Variants in IKZF1 observed in about 807,000 individuals in gnomAD.
The protein encoded by IKZF1 is DNA-binding protein Ikaros.
Under a neutral mutation model 51.7 loss-of-function variants are expected in IKZF1, and 10 were observed. The observed-to-expected ratio is 0.19, with a 90% confidence interval of 0.12 to 0.33. The LOEUF is 0.33. IKZF1 is among the 10% of genes least tolerant of loss of function. The pLI is 1.00. For missense variants in IKZF1, 484 were observed against 707.5 expected, an observed-to-expected ratio of 0.68 and a Z score of 3.58; for synonymous variants, 280 against 282.3, an observed-to-expected ratio of 0.99 and a Z score of 0.08.
intron 3 of IKZF1, among the ~76,000 whole-genome samples, chr7:50,357,739 T>C (rs1054739057): frequency 6.6e-6 from 1 of 152,174 alleles, no homozygotes; most frequent in African/African-American, 2.4e-5. Flanking sequence ...AGGGCCTCAT[T>C]TCATAAACTC....
rs1818176254 is a variant in IKZF1 at position 50,401,822 on chromosome 7, T to C, written c.*1195T>C. The C allele has an allele frequency of 4.5e-6, 1 of 223,346 alleles. No individual in the cohort carries two copies. The allele number at this position is 223,346 out of a possible 1,614,324, so 13.8% of individuals were successfully genotyped here. ...AATATGTGAAGCCCAGCATCTCTGT[T>C]GCTAACACACAGAGCTCACCTGTTT... On this transcript the variant is annotated 3_prime_UTR_variant, in exon 8 of 8. Transcript: ENST00000331340.
chr7:50,323,105 A>G (rs1476879465), intron 2 of IKZF1, among the ~76,000 whole-genome samples: 3 of 152,272 alleles, frequency 2.0e-5, no homozygotes, highest in Admixed American at 6.5e-5. Flanking sequence ...AGTTAAGCAT[A>G]GTAAATCACA....
chr7:50,390,490 T>C lies in IKZF1; in HGVS notation c.716-1239T>C, dbSNP rs572240895. On this transcript the variant is annotated intron_variant, in intron 6 of 7. Coordinates refer to ENST00000331340, the MANE Select transcript of IKZF1 (RefSeq NM_006060.6). ...CAGCAACAATAGCCAATTTGAAATA[T>C]ATGTTTTCAAAGTAACATTCATAAT... 2.6e-5 allele frequency among the ~76,000 whole-genome samples: 4 copies of C among 152,364 alleles called. No individual in the cohort carries two copies. The East Asian group carries it at 7.7e-4, about 29-fold the overall frequency.
At chr7:50,342,268 C>T (rs902432904) in intron 3 of IKZF1, among the ~76,000 whole-genome samples, 3 of 152,132 alleles carry the variant, frequency 2.0e-5, no homozygotes, top group Non-Finnish European at 2.9e-5. Context: ...TACAAAGTAA[C>T]GAGAATACAA....
At chr7:50,348,484 T>C (rs1800956341) in intron 3 of IKZF1, among the ~76,000 whole-genome samples, 1 of 152,216 alleles carries the variant, frequency 6.6e-6, no homozygotes, top group African/African-American at 2.4e-5. Flanking sequence ...AAACACCTCC[T>C]TAAGATGCTG....
chr7:50,388,504 A>G (rs1258331019), intron 6 of IKZF1: 1 of 152,256 alleles, frequency 6.6e-6, no homozygotes, highest in Non-Finnish European at 1.5e-5. Flanking sequence ...CCCTGCAGCC[A>G]GAGTGCTGTC....
chr7:50,360,243 A>C (rs1403602337), intron 3 of IKZF1, among the ~76,000 whole-genome samples: 1 of 151,906 alleles, frequency 6.6e-6, no homozygotes, highest in African/African-American at 2.4e-5. Flanking sequence ...GGGCTTCTGG[A>C]ATCTTTGAGG....
In IKZF1 at chr7:50,376,050, C is replaced by T. The variant is rs1272142511; in HGVS notation, c.161-483C>T. ...GGAAAGGTAGCATCACAATAAGAGA[C>T]GTTTTTCAGGCTTGATAACCACTTA... On this transcript the variant is annotated intron_variant, in intron 3 of 7. Coordinates refer to ENST00000331340, the MANE Select transcript of IKZF1 (RefSeq NM_006060.6). This position sits in a 1 kb window ranked among gnomAD's most constrained non-coding sequence, Gnocchi z 4.5. Among the ~76,000 whole-genome samples, 5 of 152,154 alleles carry T rather than the reference C, an allele frequency of 3.3e-5. No homozygotes were observed. Among genetic ancestry groups the T allele is most frequent in the East Asian group, 1.9e-4 (1 of 5,194 alleles).
At position 50,320,786 on chromosome 7, in the gene IKZF1, G is replaced by A. The variant is rs1222706791; in HGVS notation, c.40+1685G>A. On this transcript the variant is annotated intron_variant, in intron 2 of 7. Transcript: ENST00000331340. ...GTGATTATCTATATAAACAAAAATG[G>A]TATAAATACAAATATCAATTTTGCA... 2.6e-5 allele frequency among the ~76,000 whole-genome samples: 4 copies of A among 152,294 alleles called. No homozygotes were observed. In the South Asian group the frequency reaches 6.2e-4, roughly 24 times the overall value.
At chr7:50,317,960 AC>A (rs760622992) in intron 1 of IKZF1, among the ~76,000 whole-genome samples, 21 of 152,194 alleles carry the variant, frequency 1.4e-4, no homozygotes, top group Admixed American at 2.6e-4. Context: ...CAGGGGGACA[AC>A]CTGGTTTAGA....
chr7:50,347,653 T>C (rs1274912961), intron 3 of IKZF1, among the ~76,000 whole-genome samples: 2 of 152,364 alleles, frequency 1.3e-5, no homozygotes, highest in Middle Eastern at 3.4e-3. Context: ...TAATTGAATT[T>C]CGTTTTTATT....
intron 3 of IKZF1, among the ~76,000 whole-genome samples, chr7:50,361,695 G>A (rs1805286991): frequency 6.6e-6 from 1 of 152,142 alleles, no homozygotes; most frequent in Non-Finnish European, 1.5e-5. Flanking sequence ...GACCAACATG[G>A]TGAAACCCCA....
rs1184582837 is a variant in IKZF1 at position 50,400,836 on chromosome 7, C to T, written c.*209C>T. The T allele has an allele frequency of 1.1e-5, 7 of 646,966 alleles. No homozygotes were observed. The highest frequency in any genetic ancestry group is 2.8e-5 in the East Asian group (1 of 35,202). 40.1% of individuals were successfully genotyped at this position (646,966 alleles called of 1,614,324 possible). ...ATTTTTATTTTTAGAGGCAGGGCTGCATTGGGAGCATCCAGAACTGCTACC... is the reference window on the plus strand; with the variant it reads ...ATTTTTATTTTTAGAGGCAGGGCTGTATTGGGAGCATCCAGAACTGCTACC... On this transcript the variant is annotated 3_prime_UTR_variant, in exon 8 of 8. Coordinates refer to ENST00000331340, the MANE Select transcript of IKZF1 (RefSeq NM_006060.6). The surrounding 1 kb of genome is among the most constrained non-coding windows in gnomAD (Gnocchi z 5.4).
In IKZF1 at chr7:50,404,849, T is replaced by C. The variant is rs1425912408; in HGVS notation, c.*4222T>C. 1 of 223,570 alleles carries C rather than the reference T, an allele frequency of 4.5e-6. No homozygotes were observed. The highest frequency in any genetic ancestry group is 6.4e-5 in the East Asian group (1 of 15,576). The allele number at this position is 223,570 out of a possible 1,614,324, so 13.8% of individuals were successfully genotyped here. On this transcript the variant is annotated 3_prime_UTR_variant, in exon 8 of 8. Transcript: ENST00000331340. ...CATAGCCTTTTGACGCTGTAAATCT[T>C]GAGTATTCATTTACCCTTTTCTGAT...
intron 1 of IKZF1, among the ~76,000 whole-genome samples, chr7:50,305,755 A>G (rs551875093): frequency 6.4e-4 from 97 of 152,354 alleles, no homozygotes; most frequent in South Asian, 1.9e-3. Context: ...AATTCCAGAC[A>G]AAATGGTGTT....
At chr7:50,364,843 G>A (rs766360674) in intron 3 of IKZF1, among the ~76,000 whole-genome samples, 6 of 152,186 alleles carry the variant, frequency 3.9e-5, no homozygotes, top group Non-Finnish European at 7.3e-5. Flanking sequence ...TGTGGTGAAG[G>A]GTGCCAGGCT....
intron 3 of IKZF1, among the ~76,000 whole-genome samples, chr7:50,349,452 A>T (rs1801260922): frequency 6.6e-6 from 1 of 152,152 alleles, no homozygotes; most frequent in African/African-American, 2.4e-5. Flanking sequence ...TACCTATAAG[A>T]ATGGGTAGGA....
chr7:50,338,943 G>T (rs1364389941), intron 3 of IKZF1, among the ~76,000 whole-genome samples: 3 of 152,224 alleles, frequency 2.0e-5, no homozygotes, highest in African/African-American at 7.2e-5. Flanking sequence ...AGGGAACTCA[G>T]AAAGCATGCT....
chr7:50,398,234 C>T (rs1199117686), intron 7 of IKZF1, among the ~76,000 whole-genome samples: 1 of 152,208 alleles, frequency 6.6e-6, no homozygotes, highest in Non-Finnish European at 1.5e-5. Flanking sequence ...TGCCCCTCTT[C>T]AAGCTGTTCT....
Sources: gnomAD v4.1 joint callset for allele counts (sites outside exome capture counted in the v4.1 genomes callset) on GRCh38, gnomAD v4.1.1 for gene constraint, Gnocchi (gnomAD v3.1) non-coding constraint, MANE v1.5 for transcripts, NCBI Gene and HGNC (gene_info 2026-07-23, HGNC 2026-07-21) for gene names.